Variants in ARB2A observed in about 807,000 individuals in gnomAD.
ARB2A encodes the protein ARB2 cotranscriptional regulator A, also known as cotranscriptional regulator ARB2A.
the ARB2A span, among the ~76,000 whole-genome samples, chr5:94,004,126 G>A: frequency 6.6e-6 from 1 of 152,032 alleles, no homozygotes; most frequent in African/African-American, 2.4e-5. Flanking sequence ...TGGAGCAACT[G>A]GACAGCCATA....
the ARB2A span, among the ~76,000 whole-genome samples, chr5:93,830,672 G>T: frequency 1.3e-5 from 2 of 151,892 alleles, no homozygotes; most frequent in Non-Finnish European, 2.9e-5. Flanking sequence ...CCACTGTTTA[G>T]GTTTTCTTAC....
the ARB2A span, among the ~76,000 whole-genome samples, chr5:93,622,037 A>G: frequency 7.6e-4 from 115 of 152,294 alleles, no homozygotes; most frequent in Non-Finnish European, 1.3e-3. Context: ...TTCAAATCAA[A>G]TCGACCTTCA....
At chr5:93,807,107 G>A in the ARB2A span, among the ~76,000 whole-genome samples, 2 of 152,118 alleles carry the variant, frequency 1.3e-5, no homozygotes, top group Admixed American at 1.3e-4. Flanking sequence ...CATCTTGACA[G>A]AATCCTACAT....
the ARB2A span, among the ~76,000 whole-genome samples, chr5:93,656,167 G>A: frequency 1.1e-3 from 174 of 152,220 alleles, 1 homozygote; most frequent in African/African-American, 4.0e-3. Flanking sequence ...AATTAAAAAT[G>A]AATTACAGAC....
chr5:93,865,959 G>A, the ARB2A span: 5 of 985,396 alleles, frequency 5.1e-6, no homozygotes, highest in South Asian at 2.3e-4. Context: ...CACAACTCCA[G>A]GGGTTGCTAG....
chr5:93,790,033 C>T, the ARB2A span, among the ~76,000 whole-genome samples: 4 of 152,158 alleles, frequency 2.6e-5, no homozygotes, highest in South Asian at 2.1e-4. Flanking sequence ...GTAGAAGCTT[C>T]GGAAGTTAAG....
chr5:93,673,563 T>C, the ARB2A span, among the ~76,000 whole-genome samples: 1 of 152,218 alleles, frequency 6.6e-6, no homozygotes, highest in East Asian at 1.9e-4. Flanking sequence ...GAATGTATTT[T>C]GCAGTAAATG....
At chr5:93,999,203 G>A in the ARB2A span, among the ~76,000 whole-genome samples, 1 of 151,536 alleles carries the variant, frequency 6.6e-6, no homozygotes, top group Non-Finnish European at 1.5e-5. Context: ...CCAAATGGCT[G>A]GGGTGGTAGC....
chr5:93,687,293 C>A, the ARB2A span, among the ~76,000 whole-genome samples: 4 of 152,084 alleles, frequency 2.6e-5, no homozygotes, highest in Admixed American at 2.0e-4. Context: ...TAAATGTAAA[C>A]TTGTATAACT....
chr5:93,618,336 ATTTTGAATC>A, the ARB2A span: 5 of 152,094 alleles, frequency 3.3e-5, no homozygotes, highest in African/African-American at 1.2e-4. Context: ...CGACGGGACT[ATTTTGAATC>A]TTAGATTTAT....
chr5:93,844,452 A>C, the ARB2A span, among the ~76,000 whole-genome samples: 3 of 152,172 alleles, frequency 2.0e-5, no homozygotes, highest in Non-Finnish European at 4.4e-5. Flanking sequence ...AAAAGAAAAA[A>C]AAAATCAAAA....
chr5:93,886,491 G>A, the ARB2A span, among the ~76,000 whole-genome samples: 2 of 151,662 alleles, frequency 1.3e-5, no homozygotes, highest in African/African-American at 2.4e-5. Context: ...ATCTATAAAC[G>A]ACATTTACCC....
At chr5:93,888,638 A>T in the ARB2A span, among the ~76,000 whole-genome samples, 1 of 151,840 alleles carries the variant, frequency 6.6e-6, no homozygotes, top group Non-Finnish European at 1.5e-5. Context: ...TCAAAATATT[A>T]TCACTTTGAC....
At chr5:93,741,260 C>T in the ARB2A span, 20 of 1,613,874 alleles carry the variant, frequency 1.2e-5, no homozygotes, top group Non-Finnish European at 1.6e-5. Flanking sequence ...ATGTAGGGCC[C>T]CGGGAGGGCG....
the ARB2A span, among the ~76,000 whole-genome samples, chr5:93,854,585 G>A: frequency 1.3e-5 from 2 of 152,086 alleles, no homozygotes; most frequent in African/African-American, 2.4e-5. Flanking sequence ...TTTCTCTTCT[G>A]GGCATTTATT....
the ARB2A span, among the ~76,000 whole-genome samples, chr5:94,067,602 A>C: frequency 6.6e-6 from 1 of 152,208 alleles, no homozygotes; most frequent in African/African-American, 2.4e-5. Context: ...AAAAATACCT[A>C]GGAATAAATT....
chr5:93,630,654 T>C, the ARB2A span, among the ~76,000 whole-genome samples: 2 of 152,122 alleles, frequency 1.3e-5, no homozygotes, highest in East Asian at 3.9e-4. Flanking sequence ...AGTTTAAGAT[T>C]CAGGGAAGAC....
chr5:93,735,763 T>C, the ARB2A span: 4 of 152,174 alleles, frequency 2.6e-5, no homozygotes, highest in East Asian at 1.9e-4. Flanking sequence ...CTCAGTGCTC[T>C]ACCTTTAGAC....
the ARB2A span, among the ~76,000 whole-genome samples, chr5:93,885,400 T>C: frequency 1.3e-5 from 2 of 151,752 alleles, no homozygotes; most frequent in Admixed American, 1.3e-4. Flanking sequence ...GCTACATTTC[T>C]TATACGATAA....
Sources: allele counts gnomAD v4.1 joint callset (sites outside exome capture counted in the v4.1 genomes callset), GRCh38; gene constraint gnomAD v4.1.1; transcripts MANE v1.5; gene names NCBI Gene and HGNC (gene_info 2026-07-23, HGNC 2026-07-21).